Variants in XRCC3 observed in about 807,000 individuals in gnomAD.
XRCC3 encodes the protein DNA repair protein XRCC3.
A neutral mutation model predicts 29.2 loss-of-function variants in XRCC3; 34 were observed. The observed-to-expected ratio is 1.16, with a 90% CI of 0.88 to 1.55. XRCC3 has a LOEUF of 1.55. Among genes scored for constraint, XRCC3 ranks in the 40% most tolerant of loss-of-function variants. XRCC3 has a pLI of 0.00. For missense variants in XRCC3, 463 were observed against 467.6 expected, an observed-to-expected ratio of 0.99 and a Z score of 0.09; for synonymous variants, 223 against 211.3, an observed-to-expected ratio of 1.06 and a Z score of -0.48.
chr14:103,704,205 C>G (rs546812623), intron 6 of XRCC3: 2 of 152,414 alleles, frequency 1.3e-5, no homozygotes, highest in African/African-American at 4.8e-5. Context: ...CACGAGACCA[C>G]GTGCTGTCCG....
chr14:103,701,199 A>G, intron 7 of XRCC3: 1 of 1,550,988 alleles, frequency 6.4e-7, no homozygotes, highest in East Asian at 2.4e-5. Context: ...CTTCTCTTGC[A>G]GTGACCCCGA....
intron 7 of XRCC3, chr14:103,701,354 A>G (rs1434219829): frequency 5.3e-6 from 4 of 756,418 alleles, no homozygotes; most frequent in Non-Finnish European, 8.3e-6. Flanking sequence ...GATACTAATA[A>G]CCACACGGCT....
chr14:103,714,486 A>G (rs182927992), intron 1 of XRCC3, among the ~76,000 whole-genome samples: 14 of 151,706 alleles, frequency 9.2e-5, no homozygotes, highest in African/African-American at 3.2e-4. Flanking sequence ...AAAAAAAAGA[A>G]AAATAGCTGG....
In XRCC3 at chr14:103,698,454, T is replaced by C. The variant is rs933023924; in HGVS notation, c.*344A>G. Reference sequence around the variant, plus strand: ...AGACGCAACCCCAGTTGGGCTTCCATGTGGAGAGAAGAAGCAGGCGGCTCC... The same window carrying C: ...AGACGCAACCCCAGTTGGGCTTCCACGTGGAGAGAAGAAGCAGGCGGCTCC... On this transcript the variant is annotated 3_prime_UTR_variant, in exon 10 of 10. Coordinates refer to ENST00000555055, the MANE Select transcript of XRCC3 (RefSeq NM_005432.4). 1.1e-5 allele frequency: 4 copies of C among 356,276 alleles called. No individual in the cohort carries two copies. Among genetic ancestry groups the C allele is most frequent in the Non-Finnish European group, 2.2e-5 (4 of 185,582 alleles). The allele number at this position is 356,276 out of a possible 1,614,324, so 22.1% of individuals were successfully genotyped here. A position where few individuals can be genotyped will look rare whatever the true frequency, so the allele number is the denominator to read the frequency against.
At position 103,703,410 on chromosome 14, in the gene XRCC3, C is replaced by T. The variant is rs758361782; in HGVS notation, c.407-83G>A. 1.3e-4 allele frequency: 181 copies of T among 1,436,260 alleles called. 1 individual carries two copies. The Middle Eastern group carries it at 5.1e-3, about 40-fold the overall frequency. 89.0% of individuals were successfully genotyped at this position (1,436,260 alleles called of 1,614,324 possible). A position where few individuals can be genotyped will look rare whatever the true frequency, so the allele number is the denominator to read the frequency against. ...ACACAAATCAAGTGCAGATGTCTCC[C>T]GCCATTTCTAACTCTCTGCCCCTCA... On this transcript the variant is annotated intron_variant, in intron 6 of 9. Coordinates refer to ENST00000555055, the MANE Select transcript of XRCC3 (RefSeq NM_005432.4).
At chr14:103,707,319 C>T (rs1410358660) in intron 5 of XRCC3, 104 bp from the exon 6 acceptor site, 1 of 1,416,696 alleles carries the variant, frequency 7.1e-7, no homozygotes, top group Non-Finnish European at 9.7e-7. Context: ...TGCAGTGTGG[C>T]TGGAGCACAG....
intron 1 of XRCC3, chr14:103,714,199 C>A (rs2083725286): frequency 6.6e-6 from 1 of 152,340 alleles, no homozygotes; most frequent in Non-Finnish European, 1.5e-5. Flanking sequence ...GCACTGTGAA[C>A]CCGAGAACAA....
At chr14:103,707,396 G>A (rs1411710487) in intron 5 of XRCC3, 181 bp from the exon 6 acceptor site, 2 of 746,732 alleles carry the variant, frequency 2.7e-6, no homozygotes, top group African/African-American at 1.7e-5. Flanking sequence ...GGGAAGGGCG[G>A]GTGCACCTGA....
At position 103,698,674 on chromosome 14, in the gene XRCC3, C is replaced by G; in HGVS notation, c.*124G>C. 3.4e-6 allele frequency: 3 copies of G among 870,812 alleles called. No homozygotes were observed. The highest frequency in any genetic ancestry group is 5.5e-6 in the Non-Finnish European group (3 of 541,302). 53.9% of individuals were successfully genotyped at this position (870,812 alleles called of 1,614,324 possible). On this transcript the variant is annotated 3_prime_UTR_variant, in exon 10 of 10. Coordinates refer to ENST00000555055, the MANE Select transcript of XRCC3 (RefSeq NM_005432.4). Reference sequence around the variant, plus strand: ...TCGGATGAGAAAGTGGAGCCGCTGCCCTGGAAGAGCTGTGTCTGAACCAGG... The same window carrying G: ...TCGGATGAGAAAGTGGAGCCGCTGCGCTGGAAGAGCTGTGTCTGAACCAGG...
chr14:103,699,131 AC>A lies in XRCC3; in HGVS notation c.821+1del. On this transcript the variant is annotated splice_donor_variant, in intron 9 of 9. Coordinates refer to ENST00000555055, the MANE Select transcript of XRCC3 (RefSeq NM_005432.4). LOFTEE classifies it high-confidence loss of function. ...GTGCACACACCACATGGCTGCACTC[AC>A]CCCAGCGGCCCGTGTGCTGCGCCCT... 6.4e-7 allele frequency: 1 copy of A among 1,572,712 alleles called. No homozygotes were observed.
rs762920881 is a variant in XRCC3, at chr14:103,701,237, C to T, written c.562-1661G>A. On this transcript the variant is annotated intron_variant, in intron 7 of 9. Coordinates refer to ENST00000555055, the MANE Select transcript of XRCC3 (RefSeq NM_005432.4). Reference sequence around the variant, plus strand: ...TGGCCCCGCTCCAGGATGGGACTGCCGAGTGTGGCCCGGAGCTGGCCCGGG... The same window carrying T: ...TGGCCCCGCTCCAGGATGGGACTGCTGAGTGTGGCCCGGAGCTGGCCCGGG... 3.4e-5 allele frequency: 53 copies of T among 1,547,908 alleles called. 1 individual carries two copies. The highest frequency in any genetic ancestry group is 2.2e-4 in the Admixed American group (11 of 50,932).
At chr14:103,706,389 G>A (rs1567057968) in intron 6 of XRCC3, 2 of 456,132 alleles carry the variant, frequency 4.4e-6, no homozygotes, top group Non-Finnish European at 8.8e-6. Context: ...TTCACGTGGA[G>A]TTTAAGACAA....
intron 7 of XRCC3, 113 bp from the exon 8 acceptor site, chr14:103,699,689 C>T: frequency 1.0e-6 from 1 of 982,816 alleles, no homozygotes; most frequent in Non-Finnish European, 1.6e-6. Flanking sequence ...CCACCTGGGG[C>T]TCACAGTGCC....
At chr14:103,707,238 G>A (rs2083467588) in intron 5 of XRCC3, 23 bp from the exon 6 acceptor site, 1 of 1,548,070 alleles carries the variant, frequency 6.5e-7, no homozygotes, top group African/African-American at 1.4e-5. Context: ...GATAGTGTCA[G>A]GCCTGACTCT....
In XRCC3 at chr14:103,698,653, A is replaced by G. The variant is rs3212116; in HGVS notation, c.*145T>C. On this transcript the variant is annotated 3_prime_UTR_variant, in exon 10 of 10. Coordinates refer to ENST00000555055, the MANE Select transcript of XRCC3 (RefSeq NM_005432.4). ...GTCAGTCTGTGGCCACCATCTTCGGATGAGAAAGTGGAGCCGCTGCCCTGG... is the reference window on the plus strand; with the variant it reads ...GTCAGTCTGTGGCCACCATCTTCGGGTGAGAAAGTGGAGCCGCTGCCCTGG... 4.3e-4 allele frequency: 322 copies of G among 747,998 alleles called. 2 individuals are homozygous for G. Among genetic ancestry groups the G allele is most frequent in the African/African-American group, 3.8e-3 (220 of 57,594 alleles). 46.3% of individuals were successfully genotyped at this position (747,998 alleles called of 1,614,324 possible).
chr14:103,707,257 T>G, intron 5 of XRCC3, 42 bp from the exon 6 acceptor site: 1 of 1,546,500 alleles, frequency 6.5e-7, no homozygotes, highest in Non-Finnish European at 8.7e-7. Context: ...CTCCTGGGCC[T>G]GCGGGCAGGG....
At chr14:103,706,860 G>A (rs1809194516) in intron 6 of XRCC3, 143 bp downstream of exon 6, 3 of 964,346 alleles carry the variant, frequency 3.1e-6, no homozygotes, top group South Asian at 2.8e-5. Flanking sequence ...GAAGGAGCGA[G>A]GGCAATCAGG....
At position 103,698,759 on chromosome 14, in the gene XRCC3, G is replaced by T. The variant is rs781095418; in HGVS notation, c.*39C>A. 3 of 1,549,512 alleles carry T rather than the reference G, an allele frequency of 1.9e-6. No individual in the cohort carries two copies. The highest frequency in any genetic ancestry group is 2.6e-6 in the Non-Finnish European group (3 of 1,144,086). The stretch of plus-strand genomic sequence containing the variant: ...TTAAAGGCCCGAGCCCCGTGTGTCG[G>T]GGCTTCTCAGGCAGGGCTGTTGTGC... On this transcript the variant is annotated 3_prime_UTR_variant, in exon 10 of 10. Coordinates refer to ENST00000555055, the MANE Select transcript of XRCC3 (RefSeq NM_005432.4).
At position 103,699,552 on chromosome 14, in the gene XRCC3, T is replaced by A. The variant is rs775909166; in HGVS notation, c.586A>T (p.Lys196Ter). 16 of 1,613,268 alleles carry A rather than the reference T, an allele frequency of 9.9e-6. No individual in the cohort carries two copies. The highest frequency in any genetic ancestry group is 1.3e-5 in the Non-Finnish European group (15 of 1,179,938). Residue 196 changes from lysine (K) to a stop codon, truncating the protein, a stop_gained, in exon 8 of 10, where the codon AAG (lysine) becomes TAG (stop). Transcript: ENST00000555055. LOFTEE classifies it high-confidence loss of function. ...CGAGACAGCAGTACGGGGACCTTCTTATTCACACACTCCAACAAGGTGTCC... is the reference window on the plus strand; with the variant it reads ...CGAGACAGCAGTACGGGGACCTTCTAATTCACACACTCCAACAAGGTGTCC... Reference protein sequence around the residue: ...DVDTLLECVNKKVPVLLSRGM... With the variant: ...DVDTLLECVN
Sources: gnomAD v4.1 joint callset for allele counts (sites outside exome capture counted in the v4.1 genomes callset) on GRCh38, gnomAD v4.1.1 for gene constraint, MANE v1.5 for transcripts, NCBI Gene and HGNC (gene_info 2026-07-23, HGNC 2026-07-21) for gene names.